The following SNX19 variants were observed in gnomAD, a reference collection of about 807,000 sequenced individuals.
SNX19 encodes sorting nexin-19.
A neutral mutation model predicts 85.2 loss-of-function variants in SNX19; 60 were observed. The ratio of observed to expected loss-of-function variants is 0.70; its 90% CI spans 0.57 to 0.87. The LOEUF (loss-of-function observed/expected upper bound fraction) is 0.87, where lower values mean the gene tolerates loss of function less well. Among genes scored for constraint, SNX19 ranks in the 40% least tolerant of loss-of-function variants. The probability of loss-of-function intolerance (pLI) is 0.00; values close to 1 mark genes in which losing one functional copy is unlikely to be tolerated. For synonymous variants in SNX19, 520 were observed against 470.0 expected, an observed-to-expected ratio of 1.11 and a Z score of -1.38; for missense variants, 1,201 against 1,217.8, an observed-to-expected ratio of 0.99 and a Z score of 0.21.
At position 130,874,319 on chromosome 11, in the gene SNX19, G is replaced by A. The variant is rs1943139932; in HGVS notation, c.*4103C>T. ...TTATAGGTGTGAGCCGCTGTGCCCG[G>A]CCTAGAAGAGGATTCTTGAAGGACT... On this transcript the variant is annotated 3_prime_UTR_variant, in exon 11 of 11. Coordinates refer to ENST00000265909, the MANE Select transcript of SNX19 (RefSeq NM_014758.3). Among the ~76,000 whole-genome samples, 1 of 152,182 alleles carries A rather than the reference G, an allele frequency of 6.6e-6. No individual in the cohort carries two copies. Among genetic ancestry groups the A allele is most frequent in the Non-Finnish European group, 1.5e-5 (1 of 68,036 alleles).
Position 130,873,168 on chromosome 11 carries a change from A to G in SNX19, c.*5254T>C, listed in dbSNP as rs140502753. Among the ~76,000 whole-genome samples, 10 of 152,368 alleles carry G rather than the reference A, an allele frequency of 6.6e-5. No homozygotes were observed. In the East Asian group the frequency reaches 9.7e-4, roughly 15 times the overall value. ...TTGGTAAGCAGTATTCTAACTCACT[A>G]GACCGCAGGTCCACAAACTGACTCA... On this transcript the variant is annotated 3_prime_UTR_variant, in exon 11 of 11. Coordinates refer to ENST00000265909, the MANE Select transcript of SNX19 (RefSeq NM_014758.3).
Position 130,869,226 on chromosome 11 carries a change from A to G in SNX19, c.*9196T>C, listed in dbSNP as rs1383849956. ...AAATGAAGACAGCTGTGTATGTCTC[A>G]GTCAAGCTGTGCGGGTCCAGCCAAT... On this transcript the variant is annotated 3_prime_UTR_variant, in exon 11 of 11. Transcript: ENST00000265909. The G allele has an allele frequency of 6.6e-6, 1 of 152,238 alleles. No homozygotes were observed. The highest frequency in any genetic ancestry group is 1.5e-5 in the Non-Finnish European group (1 of 68,046). 9.4% of individuals were successfully genotyped at this position (152,238 alleles called of 1,614,324 possible).
At chr11:130,896,861 C>T (rs1458313168) in intron 8 of SNX19, among the ~76,000 whole-genome samples, 2 of 151,996 alleles carry the variant, frequency 1.3e-5, no homozygotes, top group Non-Finnish European at 2.9e-5. Context: ...AAGAAATAAC[C>T]AATGTCACAA....
Position 130,867,469 on chromosome 11 carries a change from A to G in SNX19, c.*10953T>C, listed in dbSNP as rs994515773. On this transcript the variant is annotated 3_prime_UTR_variant, in exon 11 of 11. Coordinates refer to ENST00000265909, the MANE Select transcript of SNX19 (RefSeq NM_014758.3). The stretch of plus-strand genomic sequence containing the variant: ...TCTTGGACTCCATGAAAATTTAAGG[A>G]TGTGGCTTCTTTTTCATATCTGTAT... The G allele has an allele frequency of 6.6e-6, 1 of 152,142 alleles. No individual in the cohort carries two copies. The highest frequency in any genetic ancestry group is 1.5e-5 in the Non-Finnish European group (1 of 68,022). 9.4% of individuals were successfully genotyped at this position (152,142 alleles called of 1,614,324 possible).
chr11:130,911,362 T>TA, intron 2 of SNX19: 1 of 989,342 alleles, frequency 1.0e-6, no homozygotes, highest in Non-Finnish European at 1.3e-6. Flanking sequence ...CACACCAACT[T>TA]ACAGGCACAG....
intron 1 of SNX19, among the ~76,000 whole-genome samples, chr11:130,912,034 A>C (rs928538984): frequency 6.6e-6 from 1 of 151,820 alleles, no homozygotes; most frequent in Admixed American, 6.5e-5. Context: ...AAATGGCTAC[A>C]TAACTGTTTT....
At chr11:130,883,457 C>T (rs1943833053) in intron 8 of SNX19, among the ~76,000 whole-genome samples, 1 of 152,184 alleles carries the variant, frequency 6.6e-6, no homozygotes, top group African/African-American at 2.4e-5. Context: ...AGGACTTTCA[C>T]AAACTGGCAG....
chr11:130,879,257 G>A (rs908234150), intron 10 of SNX19, among the ~76,000 whole-genome samples: 3 of 152,300 alleles, frequency 2.0e-5, no homozygotes. Flanking sequence ...TACGCTCTTG[G>A]AGCATTCACA....
At chr11:130,896,493 T>C (rs1157728205) in intron 8 of SNX19, among the ~76,000 whole-genome samples, 1 of 152,202 alleles carries the variant, frequency 6.6e-6, no homozygotes, top group Non-Finnish European at 1.5e-5. Flanking sequence ...TAGATGGGAA[T>C]ACGGCAAGGG....
chr11:130,879,033 G>GT (rs1418612102), intron 10 of SNX19, among the ~76,000 whole-genome samples: 1 of 152,218 alleles, frequency 6.6e-6, no homozygotes, highest in Non-Finnish European at 1.5e-5. Context: ...TTCCAGAAGA[G>GT]TAACAGCCCA....
intron 9 of SNX19, 116 bp downstream of exon 9, chr11:130,880,506 G>C (rs1565505808): frequency 2.2e-6 from 2 of 917,652 alleles, no homozygotes; most frequent in East Asian, 2.5e-5. Context: ...ACAGAGTTTT[G>C]AATCTAGCCA....
rs1469206041 is a variant in SNX19 at position 130,868,020 on chromosome 11, A to G, written c.*10402T>C. ...TCCTGTGACAATGCCAAAGAACGAAATGATTTTTTAAAAAATCTCTTCTCT... is the reference window on the plus strand; with the variant it reads ...TCCTGTGACAATGCCAAAGAACGAAGTGATTTTTTAAAAAATCTCTTCTCT... On this transcript the variant is annotated 3_prime_UTR_variant, in exon 11 of 11. Transcript: ENST00000265909. 6.6e-6 allele frequency: 1 copy of G among 152,190 alleles called. No homozygotes were observed. The highest frequency in any genetic ancestry group is 1.5e-5 in the Non-Finnish European group (1 of 68,028). 9.4% of individuals were successfully genotyped at this position (152,190 alleles called of 1,614,324 possible).
In SNX19 at chr11:130,906,013, C is replaced by T. The variant is rs142480404; in HGVS notation, c.2383G>A (p.Val795Met). Residue 795 changes from valine (V) to methionine (M), a missense_variant, in exon 7 of 11, where the codon GTG (valine) becomes ATG (methionine). Transcript: ENST00000265909. ...GCTGCATCTGACACGCAACTGTCCACACGTCCTTTGGGAGGTTGTTCAGGA... is the reference window on the plus strand; with the variant it reads ...GCTGCATCTGACACGCAACTGTCCATACGTCCTTTGGGAGGTTGTTCAGGA... ...KDPEQPPKGR[V>M]DSCVSDAAVP... The T allele has an allele frequency of 3.7e-6, 6 of 1,614,142 alleles. No individual in the cohort carries two copies. The African/African-American group carries it at 6.7e-5, about 18-fold the overall frequency.
intron 8 of SNX19, among the ~76,000 whole-genome samples, chr11:130,891,770 T>C (rs771633819): frequency 2.0e-5 from 3 of 152,060 alleles, no homozygotes; most frequent in Non-Finnish European, 2.9e-5. Context: ...ATAAGACTGA[T>C]TGTAAAGGGA....
rs564437925 is a variant in SNX19, at chr11:130,915,211, T to C, written c.729A>G (p.Thr243=). The change falls in exon 1 of 11, where the codon ACA becomes ACG. Residue 243 remains threonine (T), a synonymous_variant. Coordinates refer to ENST00000265909, the MANE Select transcript of SNX19 (RefSeq NM_014758.3). ...TGRHVVVELI[T]CNVILPLISR... ...TGATCAGTGGTAAGATTACATTGCA[T>C]GTGATGAGTTCGACCACTACATGGC... 6.2e-7 allele frequency: 1 copy of C among 1,614,242 alleles called. No individual in the cohort carries two copies. The highest frequency in any genetic ancestry group is 1.1e-5 in the South Asian group (1 of 91,088).
Position 130,910,002 on chromosome 11 carries a change from G to T in SNX19, c.2034+16C>A. ...TAGATCAAAACTAAAGCTGAGCACA[G>T]TGGCCCTGCTGGTACCTTGTCTATT... On this transcript the variant is annotated intron_variant, in intron 4 of 10. Coordinates refer to ENST00000265909, the MANE Select transcript of SNX19 (RefSeq NM_014758.3). 1 of 1,612,376 alleles carries T rather than the reference G, an allele frequency of 6.2e-7. No homozygotes were observed. The highest frequency in any genetic ancestry group is 1.3e-5 in the African/African-American group (1 of 74,990).
chr11:130,911,465 G>C (rs1946117736), intron 2 of SNX19, 168 bp downstream of exon 2: 2 of 1,441,816 alleles, frequency 1.4e-6, no homozygotes, highest in Non-Finnish European at 1.8e-6. Flanking sequence ...GAAAGAATGT[G>C]ATTGCTGCTG....
chr11:130,910,248 G>A, intron 3 of SNX19, 22 bp downstream of exon 3: 1 of 1,612,892 alleles, frequency 6.2e-7, no homozygotes, highest in Non-Finnish European at 8.5e-7. Context: ...TGAGAACAAG[G>A]CCAAAAGAGA....
chr11:130,889,065 A>G (rs1944304116), intron 8 of SNX19, among the ~76,000 whole-genome samples: 1 of 152,096 alleles, frequency 6.6e-6, no homozygotes, highest in South Asian at 2.1e-4. Context: ...TTACCTACAT[A>G]TATTTTTTCT....
Sources: allele counts gnomAD v4.1 joint callset (sites outside exome capture counted in the v4.1 genomes callset), GRCh38; gene constraint gnomAD v4.1.1; transcripts MANE v1.5; gene names NCBI Gene and HGNC (gene_info 2026-07-23, HGNC 2026-07-21).